Variants in DUSP22 observed in about 807,000 individuals in gnomAD.
DUSP22 encodes the protein dual specificity protein phosphatase 22.
In DUSP22, 24 loss-of-function variants were observed where a neutral mutation model predicts 24.5. The observed-to-expected ratio is 0.98, with a 90% CI of 0.71 to 1.38. The LOEUF is 1.38. DUSP22 is among the 40% of genes most tolerant of loss of function. The probability of loss-of-function intolerance (pLI) is 0.00; values close to 1 mark genes in which losing one functional copy is unlikely to be tolerated. For missense variants in DUSP22, 330 were observed against 269.2 expected (o/e 1.23, Z -1.58); for synonymous variants, 160 against 106.4 (o/e 1.50, Z -3.10).
intron 1 of DUSP22, among the ~76,000 whole-genome samples, chr6:302,746 A>G (rs1349463309): frequency 6.6e-6 from 1 of 152,310 alleles, no homozygotes; most frequent in East Asian, 1.9e-4. Context: ...TCACTGCTGT[A>G]AAAAGTGATC....
Position 349,686 on chromosome 6 carries a change from T to G in DUSP22, c.*735T>G, listed in dbSNP as rs979118132. On this transcript the variant is annotated 3_prime_UTR_variant, in exon 7 of 7. Transcript: ENST00000419235. ...CAGCACTTTATACCAACTCAGCATT[T>G]AAGGGAAGTATCTTAGATTGCCTCC... 2.0e-6 allele frequency: 2 copies of G among 986,042 alleles called. No homozygotes were observed. 61.1% of individuals were successfully genotyped at this position (986,042 alleles called of 1,614,324 possible).
intron 2 of DUSP22, among the ~76,000 whole-genome samples, chr6:308,950 A>G (rs1385049669): frequency 6.6e-6 from 1 of 152,294 alleles, no homozygotes; most frequent in African/African-American, 2.4e-5. Context: ...TCCTCGCCCC[A>G]CCTCCTCCAG....
chr6:296,991 C>T (rs965186741), intron 1 of DUSP22, among the ~76,000 whole-genome samples: 8 of 152,308 alleles, frequency 5.3e-5, no homozygotes, highest in Admixed American at 2.0e-4. Context: ...CTCGGGAAGC[C>T]TCTCATGGTG....
At chr6:337,125 T>A (rs1759391117) in intron 4 of DUSP22, 1 of 152,652 alleles carries the variant, frequency 6.6e-6, no homozygotes, top group African/African-American at 2.4e-5. Flanking sequence ...AGGAGCTGAG[T>A]GCTCTCTTGT....
Position 349,126 on chromosome 6 carries a change from C to G in DUSP22, c.*175C>G. On this transcript the variant is annotated 3_prime_UTR_variant, in exon 7 of 7. Coordinates refer to ENST00000419235, the MANE Select transcript of DUSP22 (RefSeq NM_001286555.3). ...AGCCCTGCTCCAGGCCCCTGCACTC[C>G]GCCCACCCCTACCCTGGCTGCACCT... 1 of 1,440,480 alleles carries G rather than the reference C, an allele frequency of 6.9e-7. No homozygotes were observed. Among genetic ancestry groups the G allele is most frequent in the Non-Finnish European group, 9.1e-7 (1 of 1,103,626 alleles). 89.2% of individuals were successfully genotyped at this position (1,440,480 alleles called of 1,614,324 possible). A position where few individuals can be genotyped will look rare whatever the true frequency, so the allele number is the denominator to read the frequency against.
intron 1 of DUSP22, among the ~76,000 whole-genome samples, chr6:296,258 G>C (rs1228320466): frequency 6.6e-6 from 1 of 152,286 alleles, no homozygotes; most frequent in African/African-American, 2.4e-5. Flanking sequence ...AATTATAATT[G>C]CCAATGAGTT....
chr6:305,657 A>G (rs1757786890), intron 2 of DUSP22, among the ~76,000 whole-genome samples: 1 of 152,304 alleles, frequency 6.6e-6, no homozygotes, highest in Admixed American at 6.5e-5. Flanking sequence ...GGGAGGGGCC[A>G]AGTCCCCCTG....
At position 350,219 on chromosome 6, in the gene DUSP22, A is replaced by T; in HGVS notation, c.*1268A>T. ...GGTACCGATATCATTGAGCTATTTAAAGTTGCCAGTTTGGGCTCCAGTAAT... is the reference window on the plus strand; with the variant it reads ...GGTACCGATATCATTGAGCTATTTATAGTTGCCAGTTTGGGCTCCAGTAAT... On this transcript the variant is annotated 3_prime_UTR_variant, in exon 7 of 7. Transcript: ENST00000419235. 2.0e-6 allele frequency: 2 copies of T among 988,450 alleles called. No individual in the cohort carries two copies. The highest frequency in any genetic ancestry group is 2.4e-6 in the Non-Finnish European group (2 of 832,016). 61.2% of individuals were successfully genotyped at this position (988,450 alleles called of 1,614,324 possible). A position where few individuals can be genotyped will look rare whatever the true frequency, so the allele number is the denominator to read the frequency against.
chr6:346,489 C>A (rs558389525), intron 5 of DUSP22, among the ~76,000 whole-genome samples: 2 of 152,386 alleles, frequency 1.3e-5, no homozygotes, highest in African/African-American at 4.8e-5. Context: ...TCACGCTTAA[C>A]CCGAGGATGA....
At chr6:345,774 G>T in intron 4 of DUSP22, 80 bp from the exon 5 acceptor site, 1 of 1,525,364 alleles carries the variant, frequency 6.6e-7, no homozygotes, top group Non-Finnish European at 8.9e-7. Context: ...TTTTAAGAAA[G>T]AAGCCTCAGG....
intron 3 of DUSP22, among the ~76,000 whole-genome samples, chr6:327,553 G>A (rs1742727216): frequency 6.6e-6 from 1 of 152,304 alleles, no homozygotes; most frequent in Non-Finnish European, 1.5e-5. Flanking sequence ...CACAGCCGTG[G>A]GAGTTCGAGG....
At chr6:316,783 C>T (rs1226954329) in intron 3 of DUSP22, among the ~76,000 whole-genome samples, 1 of 152,300 alleles carries the variant, frequency 6.6e-6, no homozygotes, top group Non-Finnish European at 1.5e-5. Context: ...ATTCTCATGC[C>T]TTCACTAAGC....
At chr6:299,424 A>C (rs1352536835) in intron 1 of DUSP22, among the ~76,000 whole-genome samples, 1 of 152,304 alleles carries the variant, frequency 6.6e-6, no homozygotes, top group Non-Finnish European at 1.5e-5. Context: ...TTGGGTTTCA[A>C]GTCTGAATTA....
Position 350,891 on chromosome 6 carries a change from T to C in DUSP22, c.*1940T>C, listed in dbSNP as rs779381379. On this transcript the variant is annotated 3_prime_UTR_variant, in exon 7 of 7. Transcript: ENST00000419235. ...TAATGTACCTGAAGTTTCTGAAATA[T>C]TGCAAACCCACAGAGTTTAGGCTGG... 11 of 1,613,962 alleles carry C rather than the reference T, an allele frequency of 6.8e-6. No individual in the cohort carries two copies. Among genetic ancestry groups the C allele is most frequent in the South Asian group, 2.2e-5 (2 of 91,072 alleles).
At chr6:344,538 C>T (rs1485638417) in intron 4 of DUSP22, among the ~76,000 whole-genome samples, 2 of 152,298 alleles carry the variant, frequency 1.3e-5, no homozygotes, top group Non-Finnish European at 2.9e-5. Flanking sequence ...GGTCTGCCCA[C>T]CTCAGCCTCT....
intron 3 of DUSP22, among the ~76,000 whole-genome samples, chr6:327,751 C>G (rs1300359246): frequency 6.6e-6 from 1 of 152,302 alleles, no homozygotes; most frequent in African/African-American, 2.4e-5. Flanking sequence ...GGAGGTTTTA[C>G]TGAGAAGAGC....
chr6:333,291 A>G (rs1436391662), intron 3 of DUSP22, among the ~76,000 whole-genome samples: 8 of 152,304 alleles, frequency 5.3e-5, no homozygotes, highest in Non-Finnish European at 1.2e-4. Context: ...AACCCTTGGC[A>G]TGGTTGAAGC....
Position 350,409 on chromosome 6 carries a change from T to C in DUSP22, c.*1458T>C. 9.0e-7 allele frequency: 1 copy of C among 1,107,420 alleles called. No individual in the cohort carries two copies. Among genetic ancestry groups the C allele is most frequent in the Non-Finnish European group, 1.1e-6 (1 of 904,412 alleles). 68.6% of individuals were successfully genotyped at this position (1,107,420 alleles called of 1,614,324 possible). A position where few individuals can be genotyped will look rare whatever the true frequency, so the allele number is the denominator to read the frequency against. On this transcript the variant is annotated 3_prime_UTR_variant, in exon 7 of 7. Coordinates refer to ENST00000419235, the MANE Select transcript of DUSP22 (RefSeq NM_001286555.3). ...GAGTCACTCGAATGAAAAAACATAC[T>C]CGACCTCTCCCTAAAAAGATGTTGC... is the stretch of plus-strand genomic sequence containing the variant.
chr6:332,312 TG>T (rs1759175340), intron 3 of DUSP22, among the ~76,000 whole-genome samples: 1 of 152,304 alleles, frequency 6.6e-6, no homozygotes, highest in Non-Finnish European at 1.5e-5. Flanking sequence ...GATTCACAGA[TG>T]GGAGGCTGCA....
Sources: gnomAD v4.1 joint callset for allele counts (sites outside exome capture counted in the v4.1 genomes callset) on GRCh38, gnomAD v4.1.1 for gene constraint, MANE v1.5 for transcripts, NCBI Gene and HGNC (gene_info 2026-07-23, HGNC 2026-07-21) for gene names.